BRWD1: variants seen among roughly 807,000 people sequenced by gnomAD.
BRWD1 encodes bromodomain and WD repeat domain containing 1, also known as bromodomain and WD repeat-containing protein 1.
In BRWD1, 82 loss-of-function variants were observed where a neutral mutation model predicts 251.2. That is an observed-to-expected ratio of 0.33 (90% confidence interval 0.27 to 0.39). The LOEUF (loss-of-function observed/expected upper bound fraction) is 0.39. BRWD1 is among the 10% of genes least tolerant of loss of function. BRWD1 has a pLI of 1.00. For synonymous variants in BRWD1, 918 were observed against 902.8 expected (o/e 1.02, Z -0.30); for missense variants, 2,233 against 2,711.6 (o/e 0.82, Z 3.92).
chr21:39,206,101 A>C lies in BRWD1; in HGVS notation c.4364+7T>G, dbSNP rs777176956. ...TAAATAAAGCAAGCTTGCCATAACC[A>C]GTTTACCTGATACTTTTGTTAGGCT... On this transcript the variant is annotated splice_region_variant and intron_variant, in intron 37 of 40. Coordinates refer to ENST00000342449, the MANE Select transcript of BRWD1 (RefSeq NM_033656.4). 5.6e-6 allele frequency: 9 copies of C among 1,599,654 alleles called. No homozygotes were observed. The Admixed American group carries it at 1.6e-4, about 28-fold the overall frequency.
At chr21:39,274,765 C>A (rs1295745882) in intron 12 of BRWD1, among the ~76,000 whole-genome samples, 1 of 152,076 alleles carries the variant, frequency 6.6e-6, no homozygotes, top group African/African-American at 2.4e-5. Flanking sequence ...GAAGAGGCAA[C>A]CTGCAGTGGC....
chr21:39,263,966 C>T (rs1000248650), intron 17 of BRWD1, among the ~76,000 whole-genome samples: 1 of 152,100 alleles, frequency 6.6e-6, no homozygotes, highest in Admixed American at 6.5e-5. Flanking sequence ...AGTAGACAAA[C>T]CCAGATTGAG....
chr21:39,191,486 A>T lies in BRWD1; in HGVS notation c.*4773T>A. ...ATTTAAGAACTGACAAAAATCATCT[A>T]AATGAATAGATTAATTTAGAACATT... On this transcript the variant is annotated 3_prime_UTR_variant, in exon 41 of 41. Transcript: ENST00000342449. The T allele has an allele frequency of 1.0e-6, 1 of 979,128 alleles. No individual in the cohort carries two copies. 60.7% of individuals were successfully genotyped at this position (979,128 alleles called of 1,614,324 possible). A position where few individuals can be genotyped will look rare whatever the true frequency, so the allele number is the denominator to read the frequency against.
At position 39,217,010 on chromosome 21, in the gene BRWD1, A is replaced by AATAT. The variant is rs67133519; in HGVS notation, c.3659+1138_3659+1141dup. On this transcript the variant is annotated intron_variant, in intron 31 of 40. Transcript: ENST00000342449. ...GTGGTCTTATCATTTAGCTCCCACA[A>AATAT]ATATATATATATATATATATATATA... 1.4e-4 allele frequency: 11 copies of AATAT among 78,130 alleles called. No homozygotes were observed. In the East Asian group the frequency reaches 2.8e-3, roughly 20 times the overall value. 4.8% of individuals were successfully genotyped at this position (78,130 alleles called of 1,614,324 possible).
intron 38 of BRWD1, 94 bp from the exon 39 acceptor site, chr21:39,200,480 C>T: frequency 9.9e-7 from 1 of 1,014,840 alleles, no homozygotes; most frequent in African/African-American, 1.6e-5. Flanking sequence ...CATTACATAA[C>T]ATTACTACAA....
chr21:39,215,363 C>CT lies in BRWD1; in HGVS notation c.3660-2dup. On this transcript the variant is annotated splice_acceptor_variant, in intron 31 of 40. Transcript: ENST00000342449. LOFTEE classifies it high-confidence loss of function. ...TTCCCAAACTAACGCAGACAGCCTCCTTCAAAATAAAGTAGACAATTTAGG... is the reference window on the plus strand; with the variant it reads ...TTCCCAAACTAACGCAGACAGCCTCCTTTCAAAATAAAGTAGACAATTTAGG... 4 of 1,611,620 alleles carry CT rather than the reference C, an allele frequency of 2.5e-6. No individual in the cohort carries two copies. Among genetic ancestry groups the CT allele is most frequent in the Non-Finnish European group, 3.4e-6 (4 of 1,178,622 alleles).
intron 8 of BRWD1, among the ~76,000 whole-genome samples, chr21:39,285,717 GT>G (rs2035610411): frequency 6.6e-6 from 1 of 151,922 alleles, no homozygotes; most frequent in Non-Finnish European, 1.5e-5. Flanking sequence ...GAGCCTAGGA[GT>G]GTGACCAGTT....
intron 21 of BRWD1, among the ~76,000 whole-genome samples, chr21:39,240,580 A>C (rs1312356434): frequency 2.0e-5 from 3 of 152,240 alleles, no homozygotes; most frequent in African/African-American, 7.2e-5. Context: ...TATTCACTGT[A>C]GCATTATTTA....
intron 27 of BRWD1, 97 bp from the exon 28 acceptor site, chr21:39,225,294 C>A: frequency 3.3e-6 from 2 of 612,670 alleles, no homozygotes; most frequent in South Asian, 1.9e-5. Flanking sequence ...ATAAAAAAGC[C>A]AAAAGCACAA....
intron 29 of BRWD1, among the ~76,000 whole-genome samples, chr21:39,221,084 G>T (rs1410734693): frequency 6.6e-6 from 1 of 151,316 alleles, no homozygotes; most frequent in Non-Finnish European, 1.5e-5. Context: ...GAACCTGGGA[G>T]GTGGAGGTTG....
chr21:39,195,872 A>G lies in BRWD1; in HGVS notation c.*387T>C. 1 of 997,348 alleles carries G rather than the reference A, an allele frequency of 1.0e-6. No homozygotes were observed. The highest frequency in any genetic ancestry group is 1.2e-6 in the Non-Finnish European group (1 of 838,306). 61.8% of individuals were successfully genotyped at this position (997,348 alleles called of 1,614,324 possible). A position where few individuals can be genotyped will look rare whatever the true frequency, so the allele number is the denominator to read the frequency against. ...TGTGAAATTGTTGTAACTACTATAG[A>G]ACAGGGGTTAGAAACTACTGCCTCT... On this transcript the variant is annotated 3_prime_UTR_variant, in exon 41 of 41. Coordinates refer to ENST00000342449, the MANE Select transcript of BRWD1 (RefSeq NM_033656.4).
chr21:39,247,318 A>C (rs1320770522), intron 21 of BRWD1, among the ~76,000 whole-genome samples: 1 of 152,196 alleles, frequency 6.6e-6, no homozygotes, highest in Admixed American at 6.5e-5. Context: ...TGGGGAATAG[A>C]ATTGTTTCAG....
Position 39,280,342 on chromosome 21 carries a change from A to C in BRWD1, c.832-94T>G, listed in dbSNP as rs2035417231. 4 of 975,038 alleles carry C rather than the reference A, an allele frequency of 4.1e-6. No homozygotes were observed. The South Asian group carries it at 4.7e-5, about 11-fold the overall frequency. The allele number at this position is 975,038 out of a possible 1,614,324, so 60.4% of individuals were successfully genotyped here. On this transcript the variant is annotated intron_variant, in intron 8 of 40. Transcript: ENST00000342449. ...AAACTTAACTTCAATTGACAGTTTC[A>C]GGAAATAAACACATGAAATCCAAAA...
intron 31 of BRWD1, 149 bp from the exon 32 acceptor site, chr21:39,215,511 T>G (rs1297359254): frequency 8.9e-6 from 6 of 674,800 alleles, no homozygotes; most frequent in Non-Finnish European, 1.5e-5. Flanking sequence ...TGCTCTCAAC[T>G]TGATCATAGT....
At chr21:39,312,973 GC>G in intron 3 of BRWD1, 73 bp from the exon 4 acceptor site, 1 of 540,168 alleles carries the variant, frequency 1.9e-6, no homozygotes, top group Non-Finnish European at 2.4e-6. Flanking sequence ...GGGGCCGGGG[GC>G]GGGCGGCGGG....
intron 27 of BRWD1, among the ~76,000 whole-genome samples, chr21:39,228,285 G>C (rs11088467): frequency 1 from 152,240 of 152,240 alleles, 76,120 homozygotes; most frequent in Non-Finnish European, 1. Context: ...GAGAAAATGC[G>C]TGCCATGCCC....
In BRWD1 at chr21:39,196,954, C is replaced by T; in HGVS notation, c.6115G>A (p.Asp2039Asn). 6.2e-7 allele frequency: 1 copy of T among 1,613,944 alleles called. No individual in the cohort carries two copies. The highest frequency in any genetic ancestry group is 8.5e-7 in the Non-Finnish European group (1 of 1,179,906). Reference protein sequence around the residue: ...KHRHTNIHKIDAPSKRKSSSV... With the variant: ...KHRHTNIHKINAPSKRKSSSV... ...GAACTTTTTCTTTTAGAAGGTGCAT[C>T]TATTTTGTGAATATTGGTATGCCTG... is the stretch of plus-strand genomic sequence containing the variant. Residue 2039 changes from aspartate (D) to asparagine (N), a missense_variant, in exon 41 of 41, where the codon GAT becomes AAT. Asp to Asn is a conservative substitution (Grantham distance 23, BLOSUM62 1). Coordinates refer to ENST00000342449, the MANE Select transcript of BRWD1 (RefSeq NM_033656.4).
chr21:39,315,012 A>C (rs1448278440), upstream of BRWD1: 1 of 152,086 alleles, frequency 6.6e-6, no homozygotes, highest in Non-Finnish European at 1.5e-5. Context: ...AAAAGCTTTT[A>C]TTTATTTTGA....
At chr21:39,303,248 G>A (rs2036178304) in intron 4 of BRWD1, among the ~76,000 whole-genome samples, 1 of 152,080 alleles carries the variant, frequency 6.6e-6, no homozygotes, top group South Asian at 2.1e-4. Context: ...GCCGGGTGCA[G>A]TGACTCACAC....
Sources: allele counts gnomAD v4.1 joint callset (sites outside exome capture counted in the v4.1 genomes callset), GRCh38; gene constraint gnomAD v4.1.1; transcripts MANE v1.5; gene names NCBI Gene and HGNC (gene_info 2026-07-23, HGNC 2026-07-21).